Variants in GCNT2 observed in about 807,000 individuals in gnomAD.
GCNT2 encodes glucosaminyl (N-acetyl) transferase 2 (I blood group).
Under a neutral mutation model 34.2 loss-of-function variants are expected in GCNT2, and 34 were observed. The observed-to-expected ratio is 1.00, with a 90% confidence interval of 0.76 to 1.32. The LOEUF (loss-of-function observed/expected upper bound fraction) is 1.32, where lower values mean the gene tolerates loss of function less well. Among genes scored for constraint, GCNT2 ranks in the 40% most tolerant of loss-of-function variants. The pLI is 0.00. For missense variants in GCNT2, 584 were observed against 489.4 expected, an observed-to-expected ratio of 1.19 and a Z score of -1.82; for synonymous variants, 212 against 188.0, an observed-to-expected ratio of 1.13 and a Z score of -1.04.
At chr6:10,599,234 C>G (rs1764993689) in intron 3 of GCNT2, among the ~76,000 whole-genome samples, 1 of 152,140 alleles carries the variant, frequency 6.6e-6, no homozygotes, top group South Asian at 2.1e-4. Context: ...ATCGATTGTA[C>G]CAGGTGCGCT....
At chr6:10,539,206 T>TTTTTTTTG (rs1491477004) in intron 3 of GCNT2, among the ~76,000 whole-genome samples, 7 of 136,168 alleles carry the variant, frequency 5.1e-5, no homozygotes, top group African/African-American at 1.1e-4. Flanking sequence ...TTTTTTTTTT[T>TTTTTTTTG]GAGGCAGAGT....
chr6:10,550,750 T>G (rs201481744), intron 3 of GCNT2, among the ~76,000 whole-genome samples: 1 of 152,206 alleles, frequency 6.6e-6, no homozygotes, highest in East Asian at 1.9e-4. Flanking sequence ...CCAAAAGTGC[T>G]GGGATTGTAG....
intron 3 of GCNT2, among the ~76,000 whole-genome samples, chr6:10,543,836 C>T (rs773298642): frequency 3.6e-4 from 55 of 152,218 alleles, no homozygotes; most frequent in Non-Finnish European, 6.8e-4. Context: ...GTATTACTTG[C>T]CCAAGGACGC....
At chr6:10,545,369 C>A (rs1015038306) in intron 3 of GCNT2, among the ~76,000 whole-genome samples, 2 of 151,982 alleles carry the variant, frequency 1.3e-5, no homozygotes, top group Non-Finnish European at 2.9e-5. Flanking sequence ...TTGTTTAAAT[C>A]CACATCAAGC....
chr6:10,611,868 T>G (rs1020842235), intron 3 of GCNT2, among the ~76,000 whole-genome samples: 6 of 152,138 alleles, frequency 3.9e-5, no homozygotes, highest in Admixed American at 2.6e-4. Context: ...TTAAAGAAAG[T>G]TTTATAAGTA....
intron 4 of GCNT2, among the ~76,000 whole-genome samples, chr6:10,622,887 T>C (rs977671204): frequency 6.6e-6 from 1 of 151,434 alleles, no homozygotes; most frequent in Non-Finnish European, 1.5e-5. Flanking sequence ...CCCAAGTAGC[T>C]GGGATAACAG....
intron 3 of GCNT2, among the ~76,000 whole-genome samples, chr6:10,554,798 A>G (rs1190242304): frequency 6.6e-6 from 1 of 152,196 alleles, no homozygotes; most frequent in African/African-American, 2.4e-5. Context: ...TACTTGACCT[A>G]AAAATCCAGG....
intron 4 of GCNT2, 107 bp from the exon 5 acceptor site, chr6:10,626,310 T>G: frequency 1.2e-6 from 1 of 814,874 alleles, no homozygotes; most frequent in East Asian, 2.4e-5. Flanking sequence ...TCCTGTACCA[T>G]TGGCACAGTT....
chr6:10,550,517 G>T (rs1302799116), intron 3 of GCNT2, among the ~76,000 whole-genome samples: 2 of 151,936 alleles, frequency 1.3e-5, no homozygotes, highest in Non-Finnish European at 2.9e-5. Context: ...TTGAGACAGG[G>T]TCTTGCTTTG....
chr6:10,580,382 C>A (rs537588255), intron 3 of GCNT2, among the ~76,000 whole-genome samples: 2 of 152,316 alleles, frequency 1.3e-5, no homozygotes, highest in East Asian at 3.9e-4. Flanking sequence ...TGACCCTTCA[C>A]CAGCTTCCCG....
intron 3 of GCNT2, among the ~76,000 whole-genome samples, chr6:10,583,636 T>C (rs760230632): frequency 3.9e-5 from 6 of 152,218 alleles, no homozygotes; most frequent in Non-Finnish European, 7.3e-5. Context: ...CACTGGCTGA[T>C]ACTTCCAGGA....
intron 3 of GCNT2, among the ~76,000 whole-genome samples, chr6:10,582,224 A>AT: frequency 2.4e-5 from 3 of 126,354 alleles, no homozygotes; most frequent in East Asian, 2.1e-4. Context: ...ATATATAATT[A>AT]TATATATTTA....
chr6:10,601,813 T>C (rs999189919), intron 3 of GCNT2, among the ~76,000 whole-genome samples: 10 of 151,376 alleles, frequency 6.6e-5, no homozygotes, highest in Non-Finnish European at 1.3e-4. Context: ...TGGTGGCGGG[T>C]GCCTGTAGTC....
chr6:10,585,960 A>G lies in GCNT2; in HGVS notation c.926-35391A>G, dbSNP rs765148407. On this transcript the variant is annotated intron_variant, in intron 3 of 4. Transcript: ENST00000495262. ...GATCATTTCTCATTCCCTGAAAAGA[A>G]GAGATTGTTTCCCCAGGGAAGTGAA... The G allele has an allele frequency of 3.7e-6, 6 of 1,612,284 alleles. No homozygotes were observed. In the African/African-American group the frequency reaches 6.7e-5, roughly 18 times the overall value.
intron 3 of GCNT2, chr6:10,556,763 G>C (rs1762727793): frequency 7.4e-6 from 12 of 1,613,994 alleles, no homozygotes; most frequent in African/African-American, 1.3e-5. Flanking sequence ...GCTCTTCAGG[G>C]CTATTTACAT....
At chr6:10,571,498 G>A (rs1044089095) in intron 3 of GCNT2, among the ~76,000 whole-genome samples, 2 of 151,942 alleles carry the variant, frequency 1.3e-5, no homozygotes, top group Admixed American at 1.3e-4. Context: ...GATTACAGGC[G>A]CCTACCAATA....
At chr6:10,539,543 A>G (rs1761944260) in intron 3 of GCNT2, among the ~76,000 whole-genome samples, 1 of 152,026 alleles carries the variant, frequency 6.6e-6, no homozygotes, top group Non-Finnish European at 1.5e-5. Flanking sequence ...CTGATTCTTC[A>G]TCTATATCCT....
At position 10,574,705 on chromosome 6, in the gene GCNT2, G is replaced by C. The variant is rs1411569760; in HGVS notation, c.925+44869G>C. On this transcript the variant is annotated intron_variant, in intron 3 of 4. Transcript: ENST00000495262. The stretch of plus-strand genomic sequence containing the variant: ...AAGAATGTTTTTTGTTTGTTTGTTT[G>C]TTTTACAGTCTAGAGGTCTTTTATT... 5 of 413,674 alleles carry C rather than the reference G, an allele frequency of 1.2e-5. No homozygotes were observed. In the East Asian group the frequency reaches 2.1e-4, roughly 17 times the overall value. 25.6% of individuals were successfully genotyped at this position (413,674 alleles called of 1,614,324 possible). A position where few individuals can be genotyped will look rare whatever the true frequency, so the allele number is the denominator to read the frequency against.
intron 3 of GCNT2, among the ~76,000 whole-genome samples, chr6:10,560,933 A>G (rs1383832489): frequency 6.6e-6 from 1 of 152,182 alleles, no homozygotes; most frequent in Non-Finnish European, 1.5e-5. Flanking sequence ...TTGTGCACAG[A>G]TGGGGTGTCT....
Sources: gnomAD v4.1 joint callset for allele counts (sites outside exome capture counted in the v4.1 genomes callset) on GRCh38, gnomAD v4.1.1 for gene constraint, MANE v1.5 for transcripts, NCBI Gene and HGNC (gene_info 2026-07-23, HGNC 2026-07-21) for gene names.